GPR158: variants seen among roughly 807,000 people sequenced by gnomAD.
GPR158 encodes the protein G protein-coupled receptor 158.
A neutral mutation model predicts 78.2 loss-of-function variants in GPR158; 30 were observed. The ratio of observed to expected loss-of-function variants is 0.38; its 90% CI spans 0.29 to 0.52. The LOEUF (loss-of-function observed/expected upper bound fraction) is 0.52. GPR158 is among the 20% of genes least tolerant of loss of function. The pLI is 0.83. For missense variants in GPR158, 1,463 were observed against 1,523.5 expected, an observed-to-expected ratio of 0.96 and a Z score of 0.66; for synonymous variants, 581 against 591.1, an observed-to-expected ratio of 0.98 and a Z score of 0.25.
At chr10:25,416,575 C>G (rs1297739020) in intron 4 of GPR158, among the ~76,000 whole-genome samples, 1 of 151,618 alleles carries the variant, frequency 6.6e-6, no homozygotes, top group Non-Finnish European at 1.5e-5. Context: ...AATTAGGACA[C>G]ATACTCCTTC....
intron 2 of GPR158, among the ~76,000 whole-genome samples, chr10:25,332,877 T>A (rs1021014150): frequency 6.6e-6 from 1 of 152,190 alleles, no homozygotes; most frequent in Admixed American, 6.5e-5. Flanking sequence ...CAATATACTT[T>A]AGGGTTCTGG....
intron 8 of GPR158, among the ~76,000 whole-genome samples, chr10:25,590,087 G>A (rs1837321143): frequency 6.6e-6 from 1 of 152,172 alleles, no homozygotes; most frequent in Admixed American, 6.6e-5. Context: ...GCGGGTGGGA[G>A]AAGGCAGTTG....
intron 1 of GPR158, among the ~76,000 whole-genome samples, chr10:25,198,648 A>T (rs1353826465): frequency 6.6e-6 from 1 of 152,200 alleles, no homozygotes; most frequent in Non-Finnish European, 1.5e-5. Flanking sequence ...GCTATTTGAT[A>T]ATAGTATTCT....
At chr10:25,376,503 G>A (rs898700065) in intron 2 of GPR158, among the ~76,000 whole-genome samples, 3 of 151,390 alleles carry the variant, frequency 2.0e-5, no homozygotes, top group African/African-American at 7.3e-5. Context: ...CTTCTCTGAG[G>A]GGTATCCTTA....
chr10:25,260,580 T>C (rs1027634209), intron 2 of GPR158, among the ~76,000 whole-genome samples: 1 of 152,062 alleles, frequency 6.6e-6, no homozygotes, highest in African/African-American at 2.4e-5. Context: ...ATTCTTTTGG[T>C]GGGACAGTTA....
intron 2 of GPR158, among the ~76,000 whole-genome samples, chr10:25,297,415 G>A (rs1343304832): frequency 1.5e-5 from 2 of 137,672 alleles, no homozygotes; most frequent in African/African-American, 2.4e-5. Flanking sequence ...AGGTGTGTAA[G>A]TATCATTTCA....
At chr10:25,436,179 A>T (rs1195997291) in intron 4 of GPR158, among the ~76,000 whole-genome samples, 1 of 152,206 alleles carries the variant, frequency 6.6e-6, no homozygotes, top group Non-Finnish European at 1.5e-5. Context: ...GTTATAGCAT[A>T]AGTGTGTGCC....
intron 2 of GPR158, among the ~76,000 whole-genome samples, chr10:25,228,827 G>C (rs992262299): frequency 6.6e-6 from 1 of 151,908 alleles, no homozygotes; most frequent in Non-Finnish European, 1.5e-5. Flanking sequence ...GTCAGGAGAT[G>C]GAAACCATCC....
intron 5 of GPR158, among the ~76,000 whole-genome samples, chr10:25,470,286 G>A (rs1398509319): frequency 6.6e-6 from 1 of 152,130 alleles, no homozygotes; most frequent in African/African-American, 2.4e-5. Flanking sequence ...ATGCAATGTT[G>A]TTGAGAAGTG....
chr10:25,273,180 A>G (rs879435256), intron 2 of GPR158, among the ~76,000 whole-genome samples: 5 of 152,132 alleles, frequency 3.3e-5, no homozygotes, highest in Non-Finnish European at 5.9e-5. Context: ...AGTTTGTTCT[A>G]TGGGATGTGA....
At chr10:25,220,609 CTG>C (rs1199978292) in intron 1 of GPR158, among the ~76,000 whole-genome samples, 3 of 152,154 alleles carry the variant, frequency 2.0e-5, no homozygotes, top group African/African-American at 7.2e-5. Flanking sequence ...TTTTCTGATA[CTG>C]TCCTCCCTAC....
intron 6 of GPR158, among the ~76,000 whole-genome samples, chr10:25,563,038 G>A (rs1836878917): frequency 1.3e-5 from 2 of 151,698 alleles, no homozygotes; most frequent in African/African-American, 2.4e-5. Flanking sequence ...GTCATTTTTT[G>A]TCTCCAACAA....
At chr10:25,278,737 A>G (rs907880715) in intron 2 of GPR158, among the ~76,000 whole-genome samples, 3 of 151,480 alleles carry the variant, frequency 2.0e-5, no homozygotes, top group African/African-American at 4.8e-5. Flanking sequence ...AATTAAAATT[A>G]ATTAAATAAT....
At chr10:25,463,046 T>C (rs1835376982) in intron 4 of GPR158, among the ~76,000 whole-genome samples, 1 of 152,130 alleles carries the variant, frequency 6.6e-6, no homozygotes, top group South Asian at 2.1e-4. Flanking sequence ...GCAAACTTCA[T>C]TGTTTTCTTA....
chr10:25,573,279 A>C (rs1837038164), intron 7 of GPR158, among the ~76,000 whole-genome samples: 1 of 152,202 alleles, frequency 6.6e-6, no homozygotes. Context: ...TTTTAAATAA[A>C]ATGTTGGCCC....
Position 25,596,735 on chromosome 10 carries a change from C to G in GPR158, c.2091C>G (p.Asn697Lys), listed in dbSNP as rs751313409. Residue 697 changes from asparagine to lysine, a missense_variant, in exon 10 of 11, where the codon AAC (asparagine) becomes AAG (lysine). Physicochemically the swap from Asn to Lys is moderately conservative, Grantham distance 94. Transcript: ENST00000376351. Reference sequence around the variant, plus strand: ...TGGGCCGATCTGGATCCTACCTGAACAGCAGTATCAATTCAGCCTGGAGTG... The same window carrying G: ...TGGGCCGATCTGGATCCTACCTGAAGAGCAGTATCAATTCAGCCTGGAGTG... Reference protein sequence around the residue: ...LDMGRSGSYLNSSINSAWSEH... With the variant: ...LDMGRSGSYLKSSINSAWSEH... 9.9e-6 allele frequency: 16 copies of G among 1,613,542 alleles called. No homozygotes were observed. Among genetic ancestry groups the G allele is most frequent in the Non-Finnish European group, 1.4e-5 (16 of 1,179,564 alleles).
chr10:25,226,316 C>T (rs1422093221), intron 2 of GPR158, among the ~76,000 whole-genome samples: 1 of 152,192 alleles, frequency 6.6e-6, no homozygotes, highest in Admixed American at 6.5e-5. Context: ...GTGGACTGCT[C>T]TGCCGTAGGA....
At chr10:25,586,623 A>G (rs1395028737) in intron 7 of GPR158, among the ~76,000 whole-genome samples, 1 of 152,018 alleles carries the variant, frequency 6.6e-6, no homozygotes, top group Non-Finnish European at 1.5e-5. Flanking sequence ...AATGTTAGCC[A>G]GGCTTGTCTT....
chr10:25,533,361 G>C (rs1478005742), intron 5 of GPR158, among the ~76,000 whole-genome samples: 1 of 152,116 alleles, frequency 6.6e-6, no homozygotes. Context: ...TCAATTTACT[G>C]AATCAGTTTC....
Sources: allele counts gnomAD v4.1 joint callset (sites outside exome capture counted in the v4.1 genomes callset), GRCh38; gene constraint gnomAD v4.1.1; transcripts MANE v1.5; gene names NCBI Gene and HGNC (gene_info 2026-07-23, HGNC 2026-07-21).